Variants in TNPO1 observed in about 807,000 individuals in gnomAD.
The protein encoded by TNPO1 is transportin 1.
A neutral mutation model predicts 119.5 loss-of-function variants in TNPO1; 8 were observed. That is an observed-to-expected ratio of 0.07 (90% CI 0.04 to 0.12). TNPO1 has a LOEUF of 0.12. Ranked by LOEUF, TNPO1 falls within the 10% of genes least tolerant of loss-of-function variation. The pLI, the probability that TNPO1 is intolerant of heterozygous loss-of-function variation, is 1.00. For synonymous variants in TNPO1, 362 were observed against 363.0 expected, an observed-to-expected ratio of 1.00 and a Z score of 0.03; for missense variants, 576 against 1,089.8, an observed-to-expected ratio of 0.53 and a Z score of 6.64.
intron 6 of TNPO1, chr5:72,871,988 T>G (rs1463601869): frequency 2.0e-5 from 3 of 152,214 alleles, no homozygotes; most frequent in Non-Finnish European, 4.4e-5. Context: ...TATTTACTGT[T>G]TGACCTTTTG....
intron 11 of TNPO1, among the ~76,000 whole-genome samples, chr5:72,885,554 C>T (rs994602654): frequency 2.0e-5 from 3 of 152,182 alleles, no homozygotes; most frequent in African/African-American, 7.2e-5. Context: ...TATATGTACT[C>T]TGCTGCTTTC....
chr5:72,899,050 G>C (rs1195452587), intron 20 of TNPO1, among the ~76,000 whole-genome samples: 1 of 151,930 alleles, frequency 6.6e-6, no homozygotes, highest in Non-Finnish European at 1.5e-5. Context: ...ACTTATTTTA[G>C]CTCTTTGTAA....
chr5:72,871,854 G>GCCAAAC, intron 6 of TNPO1: 1 of 152,264 alleles, frequency 6.6e-6, no homozygotes, highest in African/African-American at 2.4e-5. Flanking sequence ...AGCAAACTAT[G>GCCAAAC]TCCCATGGAG....
chr5:72,846,788 TATC>T (rs1745149293), intron 1 of TNPO1, among the ~76,000 whole-genome samples: 2 of 152,170 alleles, frequency 1.3e-5, no homozygotes, highest in African/African-American at 4.8e-5. Flanking sequence ...ATCATATGCT[TATC>T]ATTTGTACAA....
chr5:72,900,153 A>G, intron 21 of TNPO1, 72 bp downstream of exon 21: 2 of 1,339,730 alleles, frequency 1.5e-6, no homozygotes, highest in South Asian at 1.3e-5. Flanking sequence ...ACTTTTAGAT[A>G]TATTTTCAGT....
At chr5:72,862,018 T>C in intron 5 of TNPO1, 104 bp downstream of exon 5, 1 of 728,044 alleles carries the variant, frequency 1.4e-6, no homozygotes, top group South Asian at 1.8e-5. Flanking sequence ...ACATACAGCT[T>C]CTCAAAACTT....
intron 15 of TNPO1, 141 bp from the exon 16 acceptor site, chr5:72,892,998 G>C (rs1051140608): frequency 6.7e-5 from 37 of 549,992 alleles, no homozygotes; most frequent in East Asian, 1.6e-4. Flanking sequence ...GGGTTGGGGT[G>C]GGGGGAGGGG....
intron 1 of TNPO1, among the ~76,000 whole-genome samples, chr5:72,822,318 A>C (rs1290303340): frequency 8.0e-6 from 1 of 124,304 alleles, no homozygotes; most frequent in African/African-American, 2.7e-5. Flanking sequence ...AAAGTAAAGC[A>C]GTGACTTTTT....
At chr5:72,898,356 C>G (rs1488686747) in intron 20 of TNPO1, among the ~76,000 whole-genome samples, 3 of 152,010 alleles carry the variant, frequency 2.0e-5, no homozygotes, top group Non-Finnish European at 2.9e-5. Flanking sequence ...GTTTGTTTAA[C>G]AAATTGGCTT....
intron 15 of TNPO1, 58 bp from the exon 16 acceptor site, chr5:72,893,081 T>G: frequency 7.5e-7 from 1 of 1,334,024 alleles, no homozygotes; most frequent in Non-Finnish European, 1.1e-6. Context: ...GTTTCAAGCA[T>G]TCATCATAAT....
At position 72,913,306 on chromosome 5, in the gene TNPO1, C is replaced by A. The variant is rs1417863037; in HGVS notation, c.*4633C>A. ...ATTGTGACTAATTTTTTCAATCTTA[C>A]ATAGATCTTTCACCCATTAGCATTA... On this transcript the variant is annotated 3_prime_UTR_variant, in exon 25 of 25. Coordinates refer to ENST00000337273, the MANE Select transcript of TNPO1 (RefSeq NM_002270.4). The A allele has an allele frequency of 2.6e-5, 4 of 152,426 alleles. No individual in the cohort carries two copies. Among genetic ancestry groups the A allele is most frequent in the Non-Finnish European group, 5.9e-5 (4 of 67,924 alleles). 9.4% of individuals were successfully genotyped at this position (152,426 alleles called of 1,614,324 possible).
chr5:72,906,754 A>G (rs972217905), intron 24 of TNPO1, among the ~76,000 whole-genome samples: 1 of 152,162 alleles, frequency 6.6e-6, no homozygotes, highest in Non-Finnish European at 1.5e-5. Flanking sequence ...TGAGGATTAA[A>G]TACTATACTG....
chr5:72,849,023 TG>T (rs1335567166), intron 2 of TNPO1, among the ~76,000 whole-genome samples: 2 of 150,926 alleles, frequency 1.3e-5, no homozygotes, highest in East Asian at 4.0e-4. Flanking sequence ...GTGTGGGTCT[TG>T]GGGGTTTTTC....
At chr5:72,881,182 C>G (rs1367582433) in intron 9 of TNPO1, among the ~76,000 whole-genome samples, 5 of 152,088 alleles carry the variant, frequency 3.3e-5, no homozygotes, top group African/African-American at 9.7e-5. Context: ...GCGATCTCAG[C>G]TCACTACAAG....
At chr5:72,853,474 C>T (rs1423209601) in intron 3 of TNPO1, among the ~76,000 whole-genome samples, 1 of 152,110 alleles carries the variant, frequency 6.6e-6, no homozygotes, top group Non-Finnish European at 1.5e-5. Flanking sequence ...TAAGTAGTGG[C>T]AAGAGGGTTT....
rs748586139 is a variant in TNPO1, at chr5:72,893,360, A to C, written c.1897-17A>C. 1 of 1,610,140 alleles carries C rather than the reference A, an allele frequency of 6.2e-7. No individual in the cohort carries two copies. The highest frequency in any genetic ancestry group is 1.7e-5 in the Admixed American group (1 of 59,052). On this transcript the variant is annotated splice_polypyrimidine_tract_variant and intron_variant, in intron 16 of 24. Coordinates refer to ENST00000337273, the MANE Select transcript of TNPO1 (RefSeq NM_002270.4). ...AATTAAAACCAAACTTACAAAAAACATTGTGTCTAATTTCAGCTAAACAAT... is the reference window on the plus strand; with the variant it reads ...AATTAAAACCAAACTTACAAAAAACCTTGTGTCTAATTTCAGCTAAACAAT...
chr5:72,890,881 TCTCA>T (rs937435974), intron 14 of TNPO1, among the ~76,000 whole-genome samples: 27 of 152,088 alleles, frequency 1.8e-4, no homozygotes, highest in African/African-American at 6.5e-4. Flanking sequence ...TGTGACAAGG[TCTCA>T]CTCTGTCACC....
chr5:72,891,450 G>A (rs577904301), intron 14 of TNPO1, among the ~76,000 whole-genome samples: 1 of 152,194 alleles, frequency 6.6e-6, no homozygotes, highest in East Asian at 2.0e-4. Context: ...GGACGACAGA[G>A]CAAGACTCCG....
In TNPO1 at chr5:72,849,874, T is replaced by C. The variant is rs541873766; in HGVS notation, c.130-1370T>C. ...GTATTATATGATACAGTTACTAGTT[T>C]CTTAAATTAGCTAAGCCCAATCCTG... On this transcript the variant is annotated intron_variant, in intron 2 of 24. Transcript: ENST00000337273. Among the ~76,000 whole-genome samples, 6 of 152,340 alleles carry C rather than the reference T, an allele frequency of 3.9e-5. No homozygotes were observed. The South Asian group carries it at 1.2e-3, about 32-fold the overall frequency.
Sources: allele counts gnomAD v4.1 joint callset (sites outside exome capture counted in the v4.1 genomes callset), GRCh38; gene constraint gnomAD v4.1.1; transcripts MANE v1.5; gene names NCBI Gene and HGNC (gene_info 2026-07-23, HGNC 2026-07-21).